CDC73: variants seen among roughly 807,000 people sequenced by gnomAD.
The protein encoded by CDC73 is cell division cycle 73.
In CDC73, 21 loss-of-function variants were observed where a neutral mutation model predicts 83.7. The ratio of observed to expected loss-of-function variants is 0.25; its 90% confidence interval spans 0.18 to 0.36. CDC73 has a LOEUF of 0.36. CDC73 is among the 10% of genes least tolerant of loss of function. CDC73 has a pLI of 1.00. For synonymous variants in CDC73, 224 were observed against 212.9 expected (o/e 1.05, Z -0.45); for missense variants, 342 against 653.3 (o/e 0.52, Z 5.19).
At chr1:193,181,535 A>C in intron 10 of CDC73, 1 of 1,603,696 alleles carries the variant, frequency 6.2e-7, no homozygotes, top group Non-Finnish European at 8.5e-7. Flanking sequence ...TTTGCAAAGC[A>C]GCAGTGTCTT....
intron 10 of CDC73, among the ~76,000 whole-genome samples, chr1:193,193,085 C>T (rs984048610): frequency 3.3e-5 from 5 of 152,170 alleles, no homozygotes; most frequent in Non-Finnish European, 2.9e-5. Context: ...CAAGCCCCTA[C>T]AGCAAACCCT....
chr1:193,156,139 T>G (rs1274564876), intron 10 of CDC73, among the ~76,000 whole-genome samples: 1 of 152,212 alleles, frequency 6.6e-6, no homozygotes, highest in Admixed American at 6.5e-5. Context: ...TCTGTTTTTG[T>G]TAGTTTGCAA....
chr1:193,250,543 C>T, intron 16 of CDC73, 133 bp from the exon 17 acceptor site: 1 of 658,356 alleles, frequency 1.5e-6, no homozygotes, highest in East Asian at 2.8e-5. Context: ...TTTATATTTC[C>T]AGTTTTCTAG....
chr1:193,124,984 T>G, intron 1 of CDC73, 128 bp from the exon 2 acceptor site: 1 of 692,780 alleles, frequency 1.4e-6, no homozygotes, highest in Non-Finnish European at 2.6e-6. Context: ...ATTATTAGAT[T>G]TTATACTTTT....
In CDC73 at chr1:193,254,175, C is replaced by T. The variant is rs1161471118; in HGVS notation, c.*3463C>T. On this transcript the variant is annotated 3_prime_UTR_variant, in exon 17 of 17. Transcript: ENST00000367435. ...AGTTTATTAAAGCCCTTCATATACACATACTTTTTAAAAAAAGATTCTTAA... is the reference window on the plus strand; with the variant it reads ...AGTTTATTAAAGCCCTTCATATACATATACTTTTTAAAAAAAGATTCTTAA... Among the ~76,000 whole-genome samples, 2 of 151,628 alleles carry T rather than the reference C, an allele frequency of 1.3e-5. No homozygotes were observed. The highest frequency in any genetic ancestry group is 6.6e-5 in the Admixed American group (1 of 15,210).
intron 10 of CDC73, among the ~76,000 whole-genome samples, chr1:193,188,907 C>T (rs1430948178): frequency 2.0e-5 from 3 of 151,572 alleles, no homozygotes; most frequent in African/African-American, 7.3e-5. Context: ...CTGGAATTTA[C>T]TTCATACTTT....
intron 5 of CDC73, chr1:193,136,456 C>G: frequency 3.7e-6 from 1 of 267,364 alleles, no homozygotes; most frequent in Non-Finnish European, 8.6e-6. Context: ...TTGCTCTATG[C>G]TATGTGTTAT....
At chr1:193,203,676 CAACT>C (rs1249033598) in intron 10 of CDC73, 115 bp from the exon 11 acceptor site, 6 of 835,024 alleles carry the variant, frequency 7.2e-6, no homozygotes, top group East Asian at 2.7e-5. Flanking sequence ...GTGGAGTAAC[CAACT>C]GAGTGAGAAA....
At chr1:193,166,297 A>C (rs1676433246) in intron 10 of CDC73, among the ~76,000 whole-genome samples, 1 of 152,098 alleles carries the variant, frequency 6.6e-6, no homozygotes, top group Admixed American at 6.6e-5. Flanking sequence ...CTGGGACCAC[A>C]GGCATGCACT....
chr1:193,208,331 C>T (rs772689655), intron 11 of CDC73, among the ~76,000 whole-genome samples: 33 of 152,240 alleles, frequency 2.2e-4, no homozygotes, highest in Non-Finnish European at 4.1e-4. Context: ...TTTTTATTTC[C>T]GGTGGCACCT....
At chr1:193,204,217 GTA>G (rs1474875893) in intron 11 of CDC73, among the ~76,000 whole-genome samples, 1 of 12,400 alleles carries the variant, frequency 8.1e-5, no homozygotes, top group African/African-American at 3.4e-4. Context: ...GTATATATAT[GTA>G]TATATATGTA....
At chr1:193,131,603 C>T (rs896038351) in intron 3 of CDC73, among the ~76,000 whole-genome samples, 3 of 152,174 alleles carry the variant, frequency 2.0e-5, no homozygotes, top group African/African-American at 7.2e-5. Flanking sequence ...CTTGCCTCTG[C>T]CTAAATCTCT....
intron 15 of CDC73, among the ~76,000 whole-genome samples, chr1:193,245,384 T>G (rs977835775): frequency 1.3e-5 from 2 of 152,222 alleles, no homozygotes; most frequent in African/African-American, 4.8e-5. Context: ...TGTTTAACTT[T>G]ATGTTTCTGG....
intron 13 of CDC73, among the ~76,000 whole-genome samples, chr1:193,230,187 C>T (rs1208903339): frequency 6.7e-6 from 1 of 148,594 alleles, no homozygotes; most frequent in Non-Finnish European, 1.5e-5. Flanking sequence ...CTCACTCTGT[C>T]CCCCAGGCTG....
intron 2 of CDC73, among the ~76,000 whole-genome samples, 192 bp downstream of exon 2, chr1:193,125,409 C>T (rs1285664294): frequency 6.6e-6 from 1 of 152,046 alleles, no homozygotes; most frequent in East Asian, 1.9e-4. Flanking sequence ...AGGCCTGTGC[C>T]ACCGTATCTG....
At chr1:193,215,436 C>G (rs987749327) in intron 13 of CDC73, among the ~76,000 whole-genome samples, 2 of 152,048 alleles carry the variant, frequency 1.3e-5, no homozygotes, top group Non-Finnish European at 2.9e-5. Context: ...GAAATACAAC[C>G]AGATCTCCTG....
At chr1:193,123,763 C>T (rs1222288031) in intron 1 of CDC73, among the ~76,000 whole-genome samples, 2 of 151,920 alleles carry the variant, frequency 1.3e-5, no homozygotes, top group African/African-American at 4.8e-5. Flanking sequence ...CTGGTTTCTA[C>T]CTCAAAGGAG....
At chr1:193,131,830 C>G (rs1192017219) in intron 3 of CDC73, among the ~76,000 whole-genome samples, 1 of 152,188 alleles carries the variant, frequency 6.6e-6, no homozygotes, top group Non-Finnish European at 1.5e-5. Flanking sequence ...TCTGACCACT[C>G]TTATCGAAAA....
chr1:193,244,198 A>G (rs1677912119), intron 15 of CDC73, among the ~76,000 whole-genome samples: 1 of 152,260 alleles, frequency 6.6e-6, no homozygotes, highest in Non-Finnish European at 1.5e-5. Context: ...AAGATTGTAA[A>G]TCATTATTTT....
Sources: allele counts gnomAD v4.1 joint callset (sites outside exome capture counted in the v4.1 genomes callset), GRCh38; gene constraint gnomAD v4.1.1; transcripts MANE v1.5; gene names NCBI Gene and HGNC (gene_info 2026-07-23, HGNC 2026-07-21).